The following NCAPG2 variants were observed in gnomAD, a reference collection of about 807,000 sequenced individuals.
NCAPG2 encodes non-SMC condensin II complex subunit G2, also known as condensin-2 complex subunit G2.
In NCAPG2, 53 loss-of-function variants were observed where a neutral mutation model predicts 141.1. That is an observed-to-expected ratio of 0.38 (90% CI 0.30 to 0.47). The LOEUF is 0.47. Ranked by LOEUF, NCAPG2 falls within the 20% of genes least tolerant of loss-of-function variation. The pLI is 0.99. For missense variants in NCAPG2, 1,087 were observed against 1,389.0 expected (o/e 0.78, Z 3.46); for synonymous variants, 499 against 490.7 (o/e 1.02, Z -0.22).
rs576925518 is a variant in NCAPG2 at position 158,683,477 on chromosome 7, T to C, written c.838-91A>G. On this transcript the variant is annotated intron_variant, in intron 8 of 27. Coordinates refer to ENST00000356309, the MANE Select transcript of NCAPG2 (RefSeq NM_017760.7). ...GTGCGGCATTTGAGTACAAAGAGTC[T>C]GACCTGTCCATCTTATATTTCATGA... 5 of 755,628 alleles carry C rather than the reference T, an allele frequency of 6.6e-6. No homozygotes were observed. In the East Asian group the frequency reaches 1.5e-4, roughly 23 times the overall value. The allele number at this position is 755,628 out of a possible 1,614,324, so 46.8% of individuals were successfully genotyped here. A position where few individuals can be genotyped will look rare whatever the true frequency, so the allele number is the denominator to read the frequency against.
chr7:158,655,739 T>TGTGCC (rs1355341613), intron 19 of NCAPG2, among the ~76,000 whole-genome samples: 37 of 152,266 alleles, frequency 2.4e-4, no homozygotes, highest in Non-Finnish European at 2.6e-4. Flanking sequence ...GTCCTCCCCA[T>TGTGCC]CTGCCTGGCT....
intron 4 of NCAPG2, among the ~76,000 whole-genome samples, chr7:158,692,462 G>A (rs1450014906): frequency 1.3e-5 from 2 of 152,194 alleles, no homozygotes; most frequent in Non-Finnish European, 2.9e-5. Flanking sequence ...AAAACAACTA[G>A]TTTCCTTTTA....
At chr7:158,690,043 T>C in intron 5 of NCAPG2, 90 bp from the exon 6 acceptor site, 2 of 1,122,274 alleles carry the variant, frequency 1.8e-6, no homozygotes, top group Non-Finnish European at 2.3e-6. Context: ...TAAATAATGG[T>C]AATTCTAGTT....
intron 8 of NCAPG2, among the ~76,000 whole-genome samples, chr7:158,684,040 G>A (rs1209561872): frequency 2.0e-5 from 3 of 152,216 alleles, no homozygotes; most frequent in Admixed American, 2.0e-4. Flanking sequence ...TGGCTTTGAG[G>A]AAGGACCTAA....
At chr7:158,668,462 G>A (rs1350802998) in intron 13 of NCAPG2, 2 of 962,838 alleles carry the variant, frequency 2.1e-6, no homozygotes, top group Non-Finnish European at 2.5e-6. Flanking sequence ...TGGTAGAGTG[G>A]TTTTAAGTGC....
intron 22 of NCAPG2, among the ~76,000 whole-genome samples, chr7:158,653,477 T>C (rs1035567849): frequency 6.6e-6 from 1 of 152,016 alleles, no homozygotes; most frequent in African/African-American, 2.4e-5. Flanking sequence ...GTTAAACAAA[T>C]GATGGATGAT....
chr7:158,678,863 T>C (rs1373912476), intron 11 of NCAPG2, among the ~76,000 whole-genome samples: 1 of 151,930 alleles, frequency 6.6e-6, no homozygotes, highest in Non-Finnish European at 1.5e-5. Context: ...TTTCTTTTTA[T>C]TTTTTGAGAC....
Position 158,656,554 on chromosome 7 carries a change from T to G in NCAPG2, c.2212A>C (p.Lys738Gln), listed in dbSNP as rs369048133. 6.8e-6 allele frequency: 11 copies of G among 1,613,942 alleles called. No homozygotes were observed. The African/African-American group carries it at 1.5e-4, about 22-fold the overall frequency. Residue 738 changes from lysine (K) to glutamine (Q), a missense_variant and splice_region_variant, in exon 18 of 28, where the codon AAG becomes CAG. By Grantham distance (53) the Lys-to-Gln change is moderately conservative (BLOSUM62 1). Transcript: ENST00000356309. ...AAGGAAACATGATGTCAACCTACCT[T>G]GGCCTGGGCATGCTCTGTGGGCAGC... ...NWLPTEHAQA[K>Q]SNTASKGRVQ...
Position 158,654,628 on chromosome 7 carries a change from G to A in NCAPG2, c.2713C>T (p.Leu905Phe). The A allele has an allele frequency of 6.2e-7, 1 of 1,614,078 alleles. No individual in the cohort carries two copies. Among genetic ancestry groups the A allele is most frequent in the Non-Finnish European group, 8.5e-7 (1 of 1,179,996 alleles). Residue 905 changes from leucine (L) to phenylalanine (F), a missense_variant, in exon 22 of 28, where the codon CTC (leucine) becomes TTC (phenylalanine). Transcript: ENST00000356309. Reference sequence around the variant, plus strand: ...ATGATTCCAAGACTCCGCTGTAAGAGTTGCATCTGAAACTGATGGTCACCA... The same window carrying A: ...ATGATTCCAAGACTCCGCTGTAAGAATTGCATCTGAAACTGATGGTCACCA... ...GLGDHQFQMQ[L>F]LQRSLGIMQT...
At chr7:158,666,226 G>A (rs1227870763) in intron 13 of NCAPG2, among the ~76,000 whole-genome samples, 2 of 152,180 alleles carry the variant, frequency 1.3e-5, no homozygotes, top group East Asian at 1.9e-4. Context: ...TCTGACCAGA[G>A]AACAACTGTC....
Position 158,674,277 on chromosome 7 carries a change from GA to G in NCAPG2, c.1326+1199del, listed in dbSNP as rs1177860270. ...GAGAGGGAGAGGTTGAATATGCACA[GA>G]AAAAAAAAAATTTTTTTTTTTTTTT... On this transcript the variant is annotated intron_variant, in intron 12 of 27. Transcript: ENST00000356309. 5.0e-4 allele frequency among the ~76,000 whole-genome samples: 38 copies of G among 76,128 alleles called. No homozygotes were observed. The East Asian group carries it at 5.1e-3, about 10-fold the overall frequency. The allele number at this position is 76,128 out of a possible 152,430, so 49.9% of individuals were successfully genotyped here. A position where few individuals can be genotyped will look rare whatever the true frequency, so the allele number is the denominator to read the frequency against.
At chr7:158,671,388 C>A (rs1833673603) in intron 13 of NCAPG2, 126 bp downstream of exon 13, 10 of 1,161,604 alleles carry the variant, frequency 8.6e-6, no homozygotes, top group Non-Finnish European at 1.2e-5. Context: ...ACATTTTTGA[C>A]AGAGATAACT....
At chr7:158,702,316 A>G (rs1050302585) in intron 1 of NCAPG2, 5 of 157,596 alleles carry the variant, frequency 3.2e-5, no homozygotes, top group African/African-American at 1.2e-4. Context: ...CCAGCTGCAG[A>G]TTCTGAAGAT....
chr7:158,676,685 G>T (rs1342154569), intron 11 of NCAPG2, among the ~76,000 whole-genome samples: 1 of 152,072 alleles, frequency 6.6e-6, no homozygotes, highest in Non-Finnish European at 1.5e-5. Context: ...GGCACACAGG[G>T]GTTATTACTC....
chr7:158,667,200 G>A, intron 13 of NCAPG2: 1 of 985,398 alleles, frequency 1.0e-6, no homozygotes, highest in Non-Finnish European at 1.2e-6. Flanking sequence ...GGACTGAAAC[G>A]CAAACGTTCT....
intron 11 of NCAPG2, 88 bp downstream of exon 11, chr7:158,679,872 G>A: frequency 6.7e-7 from 1 of 1,490,480 alleles, no homozygotes; most frequent in Non-Finnish European, 9.1e-7. Flanking sequence ...GGCGGTTACA[G>A]GGGAGGTGGG....
intron 16 of NCAPG2, among the ~76,000 whole-genome samples, chr7:158,660,919 T>C (rs1400348122): frequency 1.3e-5 from 2 of 152,164 alleles, no homozygotes; most frequent in African/African-American, 4.8e-5. Flanking sequence ...GGTTTCCCTT[T>C]GTGCTTGGCT....
rs554234442 is a variant in NCAPG2, at chr7:158,654,515, T to C, written c.2746+80A>G. ...TAATCAGTCACTTAAAAGTGAGAGT[T>C]CTGAGCTACACAGTAAAGGAGGGAG... is the stretch of plus-strand genomic sequence containing the variant. On this transcript the variant is annotated intron_variant, in intron 22 of 27. Transcript: ENST00000356309. 119 of 1,363,296 alleles carry C rather than the reference T, an allele frequency of 8.7e-5. 1 individual carries two copies. The highest frequency in any genetic ancestry group is 1.1e-4 in the Non-Finnish European group (113 of 1,000,904). 84.4% of individuals were successfully genotyped at this position (1,363,296 alleles called of 1,614,324 possible).
chr7:158,668,444 T>C, intron 13 of NCAPG2: 1 of 981,536 alleles, frequency 1.0e-6, no homozygotes, highest in Non-Finnish European at 1.2e-6. Flanking sequence ...TCTTTTTTTA[T>C]AAAATAATGG....
Sources: allele counts gnomAD v4.1 joint callset (sites outside exome capture counted in the v4.1 genomes callset), GRCh38; gene constraint gnomAD v4.1.1; transcripts MANE v1.5; gene names NCBI Gene and HGNC (gene_info 2026-07-23, HGNC 2026-07-21).